Variants in BAZ2B observed in about 807,000 individuals in gnomAD.
BAZ2B encodes the protein bromodomain adjacent to zinc finger domain protein 2B.
In BAZ2B, 91 loss-of-function variants were observed where a neutral mutation model predicts 246.0. That is an observed-to-expected ratio of 0.37 (90% CI 0.31 to 0.44). The LOEUF (loss-of-function observed/expected upper bound fraction) is 0.44. Ranked by LOEUF, BAZ2B falls within the 20% of genes least tolerant of loss-of-function variation. The pLI is 1.00. For missense variants in BAZ2B, 2,332 were observed against 2,533.7 expected, an observed-to-expected ratio of 0.92 and a Z score of 1.71; for synonymous variants, 855 against 860.0, an observed-to-expected ratio of 0.99 and a Z score of 0.10.
At chr2:159,360,545 T>A (rs1289401667) in intron 27 of BAZ2B, among the ~76,000 whole-genome samples, 1 of 148,492 alleles carries the variant, frequency 6.7e-6, no homozygotes, top group East Asian at 2.0e-4. Flanking sequence ...ATTTATAGAT[T>A]CAATGCTGTC....
At chr2:159,495,776 T>C (rs907826193) in intron 2 of BAZ2B, among the ~76,000 whole-genome samples, 10 of 132,912 alleles carry the variant, frequency 7.5e-5, no homozygotes, top group Non-Finnish European at 1.6e-4. Flanking sequence ...AAGAAATACT[T>C]TTTTTTTTTT....
intron 2 of BAZ2B, among the ~76,000 whole-genome samples, chr2:159,502,963 G>GTA (rs890034021): frequency 2.2e-4 from 34 of 152,238 alleles, no homozygotes; most frequent in African/African-American, 7.5e-4. Flanking sequence ...AATATTAAAA[G>GTA]TATATATATC....
At chr2:159,341,111 G>T (rs2066620336) in intron 31 of BAZ2B, among the ~76,000 whole-genome samples, 1 of 152,032 alleles carries the variant, frequency 6.6e-6, no homozygotes, top group African/African-American at 2.4e-5. Flanking sequence ...CCAACTATAT[G>T]CTGCCTATAA....
chr2:159,669,084 G>C, the BAZ2B span, among the ~76,000 whole-genome samples: 4 of 151,718 alleles, frequency 2.6e-5, no homozygotes, highest in Non-Finnish European at 4.4e-5. Flanking sequence ...AAGAAAGAAA[G>C]AAATTGAAGT....
chr2:159,641,923 G>T, the BAZ2B span, among the ~76,000 whole-genome samples: 1 of 151,918 alleles, frequency 6.6e-6, no homozygotes, highest in Admixed American at 6.6e-5. Context: ...TGCACATTTA[G>T]GTACATATTC....
chr2:159,645,054 T>C, the BAZ2B span, among the ~76,000 whole-genome samples: 1 of 152,026 alleles, frequency 6.6e-6, no homozygotes, highest in African/African-American at 2.4e-5. Context: ...GCAGGTGGAT[T>C]GCTTGAGCCC....
At chr2:159,584,325 T>A (rs1687554031) in intron 1 of BAZ2B, among the ~76,000 whole-genome samples, 1 of 152,184 alleles carries the variant, frequency 6.6e-6, no homozygotes. Flanking sequence ...TTTCACCATG[T>A]TGGCCAAGAT....
At chr2:159,699,878 C>G in the BAZ2B span, among the ~76,000 whole-genome samples, 1 of 152,200 alleles carries the variant, frequency 6.6e-6, no homozygotes, top group Non-Finnish European at 1.5e-5. Context: ...AAGATGCCAG[C>G]TGGACTGGTA....
At chr2:159,677,309 T>C in the BAZ2B span, among the ~76,000 whole-genome samples, 1 of 152,018 alleles carries the variant, frequency 6.6e-6, no homozygotes, top group Admixed American at 6.5e-5. Context: ...CTAAATTCTT[T>C]AAAAGACTGA....
intron 31 of BAZ2B, among the ~76,000 whole-genome samples, chr2:159,341,256 C>T (rs1381737428): frequency 6.6e-6 from 1 of 151,802 alleles, no homozygotes; most frequent in African/African-American, 2.4e-5. Context: ...AACAAACAAA[C>T]TTCAAGTTAA....
At chr2:159,687,499 C>T in the BAZ2B span, among the ~76,000 whole-genome samples, 5 of 152,302 alleles carry the variant, frequency 3.3e-5, no homozygotes, top group African/African-American at 9.6e-5. Flanking sequence ...CTTAATCTAA[C>T]AGGTTCAGAG....
chr2:159,627,773 C>T, the BAZ2B span, among the ~76,000 whole-genome samples: 1 of 152,134 alleles, frequency 6.6e-6, no homozygotes, highest in East Asian at 1.9e-4. Context: ...CAAGGATGCC[C>T]TCTCTCACCT....
the BAZ2B span, among the ~76,000 whole-genome samples, chr2:159,660,138 T>G: frequency 1.3e-5 from 2 of 152,310 alleles, no homozygotes; most frequent in South Asian, 4.1e-4. Flanking sequence ...TAGTATTTGG[T>G]AAGCTCTATT....
chr2:159,630,628 G>A, the BAZ2B span, among the ~76,000 whole-genome samples: 3 of 151,840 alleles, frequency 2.0e-5, no homozygotes, highest in South Asian at 6.2e-4. Flanking sequence ...CCGCCTCCCG[G>A]GTTCACGCCA....
At chr2:159,443,688 T>C (rs558096471) in intron 6 of BAZ2B, among the ~76,000 whole-genome samples, 8 of 152,242 alleles carry the variant, frequency 5.3e-5, no homozygotes, top group Admixed American at 4.6e-4. Flanking sequence ...AGACAATCTC[T>C]CTATAATGTT....
chr2:159,395,109 G>T (rs568191070), intron 20 of BAZ2B, among the ~76,000 whole-genome samples: 1 of 151,906 alleles, frequency 6.6e-6, no homozygotes, highest in African/African-American at 2.4e-5. Context: ...TTAAAAAAAT[G>T]GCTTGAAAAT....
the BAZ2B span, among the ~76,000 whole-genome samples, chr2:159,704,467 T>A: frequency 1.8e-5 from 1 of 54,536 alleles, no homozygotes; most frequent in African/African-American, 9.0e-5. Flanking sequence ...TCCCTCCCTC[T>A]CTATCTTTCT....
chr2:159,569,885 G>A (rs1402684732), intron 1 of BAZ2B, among the ~76,000 whole-genome samples: 6 of 151,964 alleles, frequency 3.9e-5, no homozygotes, highest in African/African-American at 1.2e-4. Flanking sequence ...TCACCTGTGA[G>A]ATCATTTTTA....
At chr2:159,557,251 C>T in intron 1 of BAZ2B, among the ~76,000 whole-genome samples, 1 of 138,612 alleles carries the variant, frequency 7.2e-6, no homozygotes, top group East Asian at 2.2e-4. Context: ...GATACGGGGT[C>T]TCACCATGTT....
Sources: gnomAD v4.1 joint callset for allele counts (sites outside exome capture counted in the v4.1 genomes callset) on GRCh38, gnomAD v4.1.1 for gene constraint, MANE v1.5 for transcripts, NCBI Gene and HGNC (gene_info 2026-07-23, HGNC 2026-07-21) for gene names.